Variants in TUBB6 observed in about 807,000 individuals in gnomAD.
The protein encoded by TUBB6 is tubulin beta 6 class V.
Under a neutral mutation model 32.3 loss-of-function variants are expected in TUBB6, and 18 were observed. That is an observed-to-expected ratio of 0.56 (90% confidence interval 0.39 to 0.83). The LOEUF (loss-of-function observed/expected upper bound fraction) is 0.83. TUBB6 is among the 40% of genes least tolerant of loss of function. The probability of loss-of-function intolerance (pLI) is 0.00; values close to 1 mark genes in which losing one functional copy is unlikely to be tolerated. For synonymous variants in TUBB6, 280 were observed against 265.8 expected, an observed-to-expected ratio of 1.05 and a Z score of -0.52; for missense variants, 480 against 632.0, an observed-to-expected ratio of 0.76 and a Z score of 2.58.
chr18:12,308,204 C>G (rs1906094977), upstream of TUBB6: 2 of 956,318 alleles, frequency 2.1e-6, no homozygotes, highest in African/African-American at 1.8e-5. Flanking sequence ...GGCGGGGGCG[C>G]GGAGGGTCGG....
At chr18:12,310,348 G>A (rs1326374261) in intron 2 of TUBB6, among the ~76,000 whole-genome samples, 8 of 151,888 alleles carry the variant, frequency 5.3e-5, no homozygotes, top group East Asian at 1.9e-4. Flanking sequence ...AAAATTAGCC[G>A]GGCGTGGTGG....
chr18:12,319,555 A>C (rs1906868671), intron 3 of TUBB6, among the ~76,000 whole-genome samples: 1 of 152,150 alleles, frequency 6.6e-6, no homozygotes, highest in Non-Finnish European at 1.5e-5. Context: ...CTTTTGAAAA[A>C]TTCATTAATG....
At chr18:12,315,215 A>G (rs1236278028) in intron 3 of TUBB6, among the ~76,000 whole-genome samples, 4 of 152,234 alleles carry the variant, frequency 2.6e-5, no homozygotes, top group African/African-American at 9.6e-5. Context: ...TAATAGCTCC[A>G]TAATGTGTAA....
At chr18:12,310,903 C>A in intron 2 of TUBB6, 40 bp from the exon 3 acceptor site, 3 of 1,450,682 alleles carry the variant, frequency 2.1e-6, no homozygotes, top group Non-Finnish European at 2.9e-6. Context: ...ACTTTAGAAA[C>A]CTGAAAGTAA....
At chr18:12,311,784 C>A (rs752414162) in intron 3 of TUBB6, among the ~76,000 whole-genome samples, 12 of 152,090 alleles carry the variant, frequency 7.9e-5, no homozygotes, top group Non-Finnish European at 1.6e-4. Flanking sequence ...TATCTTTCTG[C>A]AGACTTCTGA....
chr18:12,308,824 C>G (rs772597299), intron 2 of TUBB6, 29 bp downstream of exon 2: 19 of 1,444,122 alleles, frequency 1.3e-5, no homozygotes, highest in Middle Eastern at 1.7e-4. Context: ...GCGCCCTGCC[C>G]GGCCGGGACC....
Position 12,308,597 on chromosome 18 carries a change from C to A in TUBB6, c.58-90C>A. Reference sequence around the variant, plus strand: ...CGGCGGCTCAGGCGCGCCTGGAATTCGGCCGCCGGGGCGCCTGGGGTGGGC... The same window carrying A: ...CGGCGGCTCAGGCGCGCCTGGAATTAGGCCGCCGGGGCGCCTGGGGTGGGC... On this transcript the variant is annotated intron_variant, in intron 1 of 3. Transcript: ENST00000317702. 2.9e-6 allele frequency: 3 copies of A among 1,031,070 alleles called. No individual in the cohort carries two copies. In the South Asian group the frequency reaches 4.4e-5, roughly 15 times the overall value. The allele number at this position is 1,031,070 out of a possible 1,614,324, so 63.9% of individuals were successfully genotyped here.
chr18:12,311,219 GT>G (rs1016479677), intron 3 of TUBB6, 166 bp downstream of exon 3: 16 of 556,666 alleles, frequency 2.9e-5, no homozygotes, highest in African/African-American at 7.8e-5. Context: ...ACAAGGAACA[GT>G]TTTTTTTAAA....
downstream of TUBB6, among the ~76,000 whole-genome samples, chr18:12,326,979 A>G (rs1454186060): frequency 6.6e-6 from 1 of 152,192 alleles, no homozygotes; most frequent in African/African-American, 2.4e-5. Flanking sequence ...GCTGTGACCC[A>G]TCACACCTGA....
chr18:12,315,689 A>G (rs1396543715), intron 3 of TUBB6, among the ~76,000 whole-genome samples: 1 of 152,222 alleles, frequency 6.6e-6, no homozygotes, highest in East Asian at 1.9e-4. Flanking sequence ...AAGGCAGGAC[A>G]TTAAAATGCA....
downstream of TUBB6, chr18:12,329,488 C>T (rs1210146429): frequency 6.8e-6 from 10 of 1,463,300 alleles, no homozygotes; most frequent in Non-Finnish European, 9.6e-6. Context: ...CATTCCCATT[C>T]TTCTGAAAGC....
At position 12,326,199 on chromosome 18, in the gene TUBB6, A is replaced by G; in HGVS notation, c.*69A>G. 1.9e-6 allele frequency: 3 copies of G among 1,541,490 alleles called. No individual in the cohort carries two copies. Among genetic ancestry groups the G allele is most frequent in the Non-Finnish European group, 2.6e-6 (3 of 1,144,068 alleles). ...TCCTTCTTGAACCCTGGTGCCTCCTACCCTATGGCCCTGAATGGTGCACTG... is the reference window on the plus strand; with the variant it reads ...TCCTTCTTGAACCCTGGTGCCTCCTGCCCTATGGCCCTGAATGGTGCACTG... On this transcript the variant is annotated 3_prime_UTR_variant, in exon 4 of 4. Transcript: ENST00000317702.
rs869296345 is a variant in TUBB6, at chr18:12,319,134, CTT to C, written c.278-5920_278-5919del. ...GTCCTGCTGACATTTTTCCTTTTTC[CTT>C]TTTTTTTTTTTTCTTTTTTTTTTTG... On this transcript the variant is annotated intron_variant, in intron 3 of 3. Transcript: ENST00000317702. 7.4e-3 allele frequency among the ~76,000 whole-genome samples: 70 copies of C among 9,486 alleles called. 1 individual carries two copies. Among genetic ancestry groups the C allele is most frequent in the South Asian group, 0.022 (5 of 226 alleles). 6.2% of individuals were successfully genotyped at this position (9,486 alleles called of 152,430 possible). A position where few individuals can be genotyped will look rare whatever the true frequency, so the allele number is the denominator to read the frequency against.
chr18:12,323,590 G>A (rs1428720354), intron 3 of TUBB6, among the ~76,000 whole-genome samples: 2 of 151,588 alleles, frequency 1.3e-5, no homozygotes, highest in East Asian at 2.0e-4. Flanking sequence ...GGTGGATCAC[G>A]AAGTCAGGAG....
chr18:12,313,015 A>AAAAC (rs1170765130), intron 3 of TUBB6, among the ~76,000 whole-genome samples: 1 of 151,724 alleles, frequency 6.6e-6, no homozygotes, highest in Non-Finnish European at 1.5e-5. Context: ...AAAAAAAAAA[A>AAAAC]AGATAAAGTT....
downstream of TUBB6, chr18:12,329,239 C>T (rs180917336): frequency 2.2e-4 from 154 of 702,316 alleles, 1 homozygote; most frequent in Admixed American, 2.1e-3. Context: ...TCCAGTGCAA[C>T]GATCCCTGCC....
At chr18:12,327,063 A>G (rs1907362989), downstream of TUBB6, among the ~76,000 whole-genome samples, 2 of 152,330 alleles carry the variant, frequency 1.3e-5, no homozygotes, top group South Asian at 4.1e-4. Flanking sequence ...TAGCCCTGCT[A>G]GTGCCTGGTA....
chr18:12,308,407 C>A, intron 1 of TUBB6, 58 bp downstream of exon 1: 1 of 1,260,280 alleles, frequency 7.9e-7, no homozygotes, highest in Non-Finnish European at 1.0e-6. Flanking sequence ...GGCCCCGGGT[C>A]TCCCGGCGCG....
chr18:12,329,786 G>A, downstream of TUBB6: 1 of 1,608,230 alleles, frequency 6.2e-7, no homozygotes, highest in African/African-American at 1.3e-5. Context: ...AGAGCAACCT[G>A]AAATATGAAC....
Sources: gnomAD v4.1 joint callset for allele counts (sites outside exome capture counted in the v4.1 genomes callset) on GRCh38, gnomAD v4.1.1 for gene constraint, MANE v1.5 for transcripts, NCBI Gene and HGNC (gene_info 2026-07-23, HGNC 2026-07-21) for gene names.